A2ML1: variants seen among roughly 807,000 people sequenced by gnomAD.
A2ML1 encodes alpha-2-macroglobulin-like protein 1.
In A2ML1, 161 loss-of-function variants were observed where a neutral mutation model predicts 181.9. That is an observed-to-expected ratio of 0.89 (90% CI 0.78 to 1.01). A2ML1 has a LOEUF of 1.01. A2ML1 is among the 50% of genes least tolerant of loss of function. The pLI is 0.00. For synonymous variants in A2ML1, 663 were observed against 666.8 expected, an observed-to-expected ratio of 0.99 and a Z score of 0.09; for missense variants, 1,670 against 1,768.1, an observed-to-expected ratio of 0.94 and a Z score of 1.00.
intron 33 of A2ML1, among the ~76,000 whole-genome samples, chr12:8,870,249 T>C (rs1295094412): frequency 6.6e-6 from 1 of 151,970 alleles, no homozygotes. Context: ...TTTTATGTTG[T>C]GTGAGCCGTG....
intron 17 of A2ML1, 50 bp downstream of exon 17, chr12:8,849,809 G>C: frequency 1.9e-6 from 3 of 1,546,522 alleles, no homozygotes; most frequent in Non-Finnish European, 2.7e-6. Context: ...AACAGTCCTG[G>C]AACTCTGCAG....
intron 4 of A2ML1, among the ~76,000 whole-genome samples, chr12:8,831,337 TTTTAGAC>T (rs1943106531): frequency 6.6e-6 from 1 of 152,164 alleles, no homozygotes; most frequent in Non-Finnish European, 1.5e-5. Context: ...AGCAGCACTA[TTTTAGAC>T]TCACTTACCC....
intron 3 of A2ML1, among the ~76,000 whole-genome samples, chr12:8,829,033 G>A (rs992476404): frequency 6.6e-6 from 1 of 152,204 alleles, no homozygotes; most frequent in Non-Finnish European, 1.5e-5. Flanking sequence ...GGCGGGGAGG[G>A]GGTGAATCAG....
chr12:8,845,171 T>A, intron 12 of A2ML1: 1 of 1,522,472 alleles, frequency 6.6e-7, no homozygotes, highest in Non-Finnish European at 8.8e-7. Context: ...GACAGTTATC[T>A]ATGGTGAGGA....
intron 3 of A2ML1, among the ~76,000 whole-genome samples, chr12:8,827,886 G>A (rs757011077): frequency 2.6e-5 from 4 of 152,182 alleles, no homozygotes; most frequent in Non-Finnish European, 5.9e-5. Flanking sequence ...TGATGGTCTT[G>A]GATAAGATCT....
At position 8,844,541 on chromosome 12, in the gene A2ML1, C is replaced by G. The variant is rs576027331; in HGVS notation, c.1477-901C>G. 5.3e-4 allele frequency among the ~76,000 whole-genome samples: 80 copies of G among 152,214 alleles called. 1 individual carries two copies. The South Asian group carries it at 0.016, about 30-fold the overall frequency. ...GAAAGCAATGTATAAGGATAAGCAG[C>G]TTTCCTGTCACCTTGGTGACAGTCA... On this transcript the variant is annotated intron_variant, in intron 12 of 35. Coordinates refer to ENST00000299698, the MANE Select transcript of A2ML1 (RefSeq NM_144670.6).
intron 3 of A2ML1, among the ~76,000 whole-genome samples, chr12:8,828,348 T>G (rs915231021): frequency 6.6e-6 from 1 of 152,072 alleles, no homozygotes; most frequent in African/African-American, 2.4e-5. Context: ...TTCCTTCCCC[T>G]TTTCACAGAG....
In A2ML1 at chr12:8,876,132, A is replaced by C. The variant is rs1944794174; in HGVS notation, c.*76A>C. The C allele has an allele frequency of 6.6e-6, 1 of 152,240 alleles. No homozygotes were observed. Among genetic ancestry groups the C allele is most frequent in the African/African-American group, 2.4e-5 (1 of 41,462 alleles). The allele number at this position is 152,240 out of a possible 1,614,324, so 9.4% of individuals were successfully genotyped here. A position where few individuals can be genotyped will look rare whatever the true frequency, so the allele number is the denominator to read the frequency against. ...GGAACATTCTTCTGTCGCTTGAAGC[A>C]GAACTCATTCAATCAAATAATTTAA... On this transcript the variant is annotated 3_prime_UTR_variant, in exon 36 of 36. Transcript: ENST00000299698.
intron 16 of A2ML1, among the ~76,000 whole-genome samples, 198 bp downstream of exon 16, chr12:8,849,112 T>C (rs1320275353): frequency 6.6e-6 from 1 of 152,204 alleles, no homozygotes; most frequent in Non-Finnish European, 1.5e-5. Flanking sequence ...CTTCCTCTTT[T>C]TGTTGTCCTC....
chr12:8,863,109 T>A (rs897094818), intron 28 of A2ML1, among the ~76,000 whole-genome samples: 2 of 151,990 alleles, frequency 1.3e-5, no homozygotes. Context: ...TAAATCTTTT[T>A]TTTTTTTTTG....
At position 8,856,898 on chromosome 12, in the gene A2ML1, C is replaced by CTTTTTTTTT. The variant is rs71891886; in HGVS notation, c.2849-255_2849-247dup. Among the ~76,000 whole-genome samples the CTTTTTTTTT allele has an allele frequency of 2.4e-4, 30 of 124,970 alleles. 1 individual carries two copies. The highest frequency in any genetic ancestry group is 2.4e-4 in the African/African-American group (8 of 33,642). 82.0% of individuals were successfully genotyped at this position (124,970 alleles called of 152,430 possible). The stretch of plus-strand genomic sequence containing the variant: ...GTCTTCCCAGGACACACAGTAGGTA[C>CTTTTTTTTT]TTTTTTTTTTTTTTTTTTTGTATTT... On this transcript the variant is annotated intron_variant, in intron 23 of 35. Transcript: ENST00000299698.
At chr12:8,880,722 G>T (rs748322285), downstream of A2ML1, 1 of 152,048 alleles carries the variant, frequency 6.6e-6, no homozygotes, top group Non-Finnish European at 1.5e-5. Flanking sequence ...AAGACAAAAC[G>T]TACCAGACAA....
chr12:8,836,435 A>C, intron 7 of A2ML1, 96 bp downstream of exon 7: 1 of 992,602 alleles, frequency 1.0e-6, no homozygotes, highest in Admixed American at 2.2e-5. Flanking sequence ...GGTGGGCCAA[A>C]ACTTGGGGCA....
intron 14 of A2ML1, among the ~76,000 whole-genome samples, 168 bp downstream of exon 14, chr12:8,846,390 C>T (rs767667253): frequency 6.6e-6 from 1 of 152,260 alleles, no homozygotes; most frequent in Non-Finnish European, 1.5e-5. Flanking sequence ...AAATCCATCT[C>T]TCTCCTACTT....
chr12:8,843,173 C>T lies in A2ML1; in HGVS notation c.1288C>T (p.Gln430Ter). The T allele has an allele frequency of 6.2e-7, 1 of 1,614,208 alleles. No homozygotes were observed. Among genetic ancestry groups the T allele is most frequent in the African/African-American group, 1.3e-5 (1 of 75,052 alleles). ...QMEDLVYNPE[Q>*]VPRYYQNAYL... ...GGAAGACTTAGTATATAATCCGGAA[C>T]AAGTGCCACGTTACTACCAAAATGC... Residue 430 changes from glutamine (Q) to a stop codon, truncating the protein, a stop_gained, in exon 12 of 36, where the codon CAA (glutamine) becomes TAA (stop). Coordinates refer to ENST00000299698, the MANE Select transcript of A2ML1 (RefSeq NM_144670.6). LOFTEE classifies it high-confidence loss of function.
Position 8,839,161 on chromosome 12 carries a change from G to A in A2ML1, c.1019G>A (p.Gly340Glu). 1 of 1,613,634 alleles carries A rather than the reference G, an allele frequency of 6.2e-7. No individual in the cohort carries two copies. Among genetic ancestry groups the A allele is most frequent in the Non-Finnish European group, 8.5e-7 (1 of 1,179,708 alleles). The change falls in exon 10 of 36, where the codon GGA becomes GAA. Residue 340 changes from glycine to glutamate, a missense_variant. Coordinates refer to ENST00000299698, the MANE Select transcript of A2ML1 (RefSeq NM_144670.6). ...TQNIYISPQM[G>E]SMTFEDTSNF... Reference sequence around the variant, plus strand: ...AATATCTACATTTCTCCACAAATGGGATCAATGACCTTTGAAGACACCAGC... The same window carrying A: ...AATATCTACATTTCTCCACAAATGGAATCAATGACCTTTGAAGACACCAGC...
chr12:8,829,294 T>C (rs1160744689), intron 3 of A2ML1, among the ~76,000 whole-genome samples: 1 of 152,180 alleles, frequency 6.6e-6, no homozygotes, highest in African/African-American at 2.4e-5. Context: ...GAGCAGGTTT[T>C]GTAAAAAAGT....
At position 8,848,708 on chromosome 12, in the gene A2ML1, CT is replaced by C; in HGVS notation, c.1834-11del. The C allele has an allele frequency of 6.3e-7, 1 of 1,581,770 alleles. No individual in the cohort carries two copies. On this transcript the variant is annotated splice_polypyrimidine_tract_variant and intron_variant, in intron 15 of 35. Coordinates refer to ENST00000299698, the MANE Select transcript of A2ML1 (RefSeq NM_144670.6). The stretch of plus-strand genomic sequence containing the variant: ...TATCAATGCTTTATTTCCTCTCCCC[CT>C]CTTGTCCCAGGTCTATGGGATGTTT...
chr12:8,836,802 G>A (rs1402379018), intron 7 of A2ML1, among the ~76,000 whole-genome samples: 1 of 152,012 alleles, frequency 6.6e-6, no homozygotes, highest in Non-Finnish European at 1.5e-5. Context: ...TTTTATAGTT[G>A]TGTTTCTGCT....
Sources: allele counts gnomAD v4.1 joint callset (sites outside exome capture counted in the v4.1 genomes callset), GRCh38; gene constraint gnomAD v4.1.1; transcripts MANE v1.5; gene names NCBI Gene and HGNC (gene_info 2026-07-23, HGNC 2026-07-21).